ANK3: variants seen among roughly 807,000 people sequenced by gnomAD.
ANK3 encodes ankyrin-3.
Under a neutral mutation model 370.9 loss-of-function variants are expected in ANK3, and 57 were observed. That is an observed-to-expected ratio of 0.15 (90% CI 0.12 to 0.19). ANK3 has a LOEUF of 0.19. Among genes scored for constraint, ANK3 ranks in the 10% least tolerant of loss-of-function variants. ANK3 has a pLI of 1.00. For synonymous variants in ANK3, 1,929 were observed against 1,946.3 expected, an observed-to-expected ratio of 0.99 and a Z score of 0.23; for missense variants, 4,439 against 5,302.1, an observed-to-expected ratio of 0.84 and a Z score of 5.06.
At chr10:60,445,339 G>A (rs564863786) in intron 2 of ANK3, among the ~76,000 whole-genome samples, 51 of 151,376 alleles carry the variant, frequency 3.4e-4, no homozygotes, top group African/African-American at 9.7e-4. Context: ...GCAGCGAGCC[G>A]AGATCACACC....
At chr10:60,529,862 CT>C (rs2076563756) in intron 2 of ANK3, among the ~76,000 whole-genome samples, 1 of 152,218 alleles carries the variant, frequency 6.6e-6, no homozygotes, top group South Asian at 2.1e-4. Flanking sequence ...ATTTAAAAGC[CT>C]CAGAATTTGT....
At chr10:60,648,477 T>C (rs2078742179) in intron 1 of ANK3, among the ~76,000 whole-genome samples, 2 of 142,348 alleles carry the variant, frequency 1.4e-5, no homozygotes, top group Admixed American at 7.1e-5. Flanking sequence ...TTCTTTAAAA[T>C]CTTGTTGGGA....
intron 28 of ANK3, among the ~76,000 whole-genome samples, chr10:60,096,300 C>T (rs2090118528): frequency 1.3e-5 from 2 of 152,232 alleles, no homozygotes; most frequent in Admixed American, 6.5e-5. Context: ...TGGGATTGAA[C>T]TTATATGTAT....
intron 16 of ANK3, among the ~76,000 whole-genome samples, chr10:60,189,558 G>T (rs1421999080): frequency 6.6e-6 from 1 of 152,162 alleles, no homozygotes; most frequent in Non-Finnish European, 1.5e-5. Flanking sequence ...AAAGACTTAA[G>T]AAATATCTTC....
intron 43 of ANK3, 57 bp from the exon 44 acceptor site, chr10:60,029,883 T>C (rs1184888957): frequency 2.7e-4 from 14 of 52,006 alleles, no homozygotes; most frequent in South Asian, 7.0e-4. Flanking sequence ...TTCTTTTTTT[T>C]TTTTTTTTTT....
In ANK3 at chr10:60,071,828, G is replaced by A. The variant is rs143903352; in HGVS notation, c.9053C>T (p.Thr3018Ile). Residue 3018 changes from threonine (T) to isoleucine (I), a missense_variant, in exon 37 of 44, where the codon ACC (threonine) becomes ATC (isoleucine). Transcript: ENST00000280772. ...HFNSIEDEKV[T>I]YSEISKVSKH... ...GGAAACTTTGCTGATTTCTGAATAG[G>A]TAACTTTTTCATCTTCTATAGAATT... The A allele has an allele frequency of 2.5e-6, 4 of 1,612,656 alleles. No homozygotes were observed. The Admixed American group carries it at 6.7e-5, about 27-fold the overall frequency.
intron 1 of ANK3, among the ~76,000 whole-genome samples, chr10:60,318,723 C>G (rs1053622169): frequency 6.6e-6 from 1 of 152,154 alleles, no homozygotes. Context: ...AAGGTCACTT[C>G]CTCGCCACCC....
At chr10:60,627,393 C>T (rs570819163) in intron 1 of ANK3, among the ~76,000 whole-genome samples, 36 of 148,672 alleles carry the variant, frequency 2.4e-4, no homozygotes, top group Middle Eastern at 6.8e-3. Context: ...CGTTATTGTC[C>T]GTCATTAAAA....
intron 7 of ANK3, among the ~76,000 whole-genome samples, chr10:60,241,420 G>A (rs1232197135): frequency 6.6e-6 from 1 of 151,994 alleles, no homozygotes; most frequent in African/African-American, 2.4e-5. Flanking sequence ...AAATGTTATA[G>A]AATACATTAG....
chr10:60,033,234 T>C (rs2074101166), intron 43 of ANK3, among the ~76,000 whole-genome samples: 1 of 151,972 alleles, frequency 6.6e-6, no homozygotes, highest in East Asian at 1.9e-4. Context: ...GCACGGTGGC[T>C]CACGTCTGTA....
At chr10:60,626,447 T>C (rs2078411598) in intron 1 of ANK3, among the ~76,000 whole-genome samples, 1 of 152,194 alleles carries the variant, frequency 6.6e-6, no homozygotes, top group African/African-American at 2.4e-5. Context: ...ATAGTATTCA[T>C]AATTACTACA....
chr10:60,493,177 G>A (rs2075568796), intron 2 of ANK3, among the ~76,000 whole-genome samples: 1 of 152,090 alleles, frequency 6.6e-6, no homozygotes, highest in Non-Finnish European at 1.5e-5. Context: ...ATGCTAAAGA[G>A]GTAAGATTTA....
At chr10:60,480,027 C>T (rs900917783) in intron 2 of ANK3, among the ~76,000 whole-genome samples, 16 of 152,094 alleles carry the variant, frequency 1.1e-4, no homozygotes, top group African/African-American at 3.9e-4. Context: ...CGGGCACTGC[C>T]TTGGTGAAAC....
Position 60,438,796 on chromosome 10 carries a change from CT to C in ANK3, c.97-159158del, listed in dbSNP as rs543739383. On this transcript the variant is annotated intron_variant, in intron 2 of 43. Coordinates refer to the ANK3 transcript ENST00000373827. ...GCATCAGACCTCTGAGATATTTCCC[CT>C]GATAACATTTTGATTCTGATTCCCT... Among the ~76,000 whole-genome samples the C allele has an allele frequency of 2.0e-4, 30 of 152,296 alleles. 1 individual carries two copies. In the South Asian group the frequency reaches 5.8e-3, roughly 29 times the overall value.
intron 1 of ANK3, among the ~76,000 whole-genome samples, chr10:60,352,094 G>C (rs765245861): frequency 6.6e-6 from 1 of 152,086 alleles, no homozygotes; most frequent in Non-Finnish European, 1.5e-5. Context: ...TTGGGAGTTC[G>C]AGACCAGTCT....
intron 12 of ANK3, 135 bp downstream of exon 12, chr10:60,202,867 A>G (rs2096706109): frequency 3.4e-6 from 2 of 593,090 alleles, no homozygotes; most frequent in Non-Finnish European, 5.8e-6. Flanking sequence ...TGATTGCACC[A>G]CTGTATTCCA....
intron 4 of ANK3, among the ~76,000 whole-genome samples, chr10:60,270,437 T>A (rs982784499): frequency 2.6e-5 from 4 of 152,176 alleles, no homozygotes; most frequent in African/African-American, 9.6e-5. Context: ...TATTTCATAA[T>A]TCATAATTTG....
intron 2 of ANK3, among the ~76,000 whole-genome samples, chr10:60,453,017 T>C (rs2064650753): frequency 6.6e-6 from 1 of 152,226 alleles, no homozygotes; most frequent in African/African-American, 2.4e-5. Flanking sequence ...AAAGAAACTC[T>C]GCAAGTCCAA....
At chr10:60,138,434 C>T (rs1441453950) in intron 24 of ANK3, 6 of 359,274 alleles carry the variant, frequency 1.7e-5, no homozygotes, top group Middle Eastern at 7.1e-4. Context: ...ATACTTCTTA[C>T]ATGTCCCTTG....
Sources: allele counts gnomAD v4.1 joint callset (sites outside exome capture counted in the v4.1 genomes callset), GRCh38; gene constraint gnomAD v4.1.1; transcripts MANE v1.5; gene names NCBI Gene and HGNC (gene_info 2026-07-23, HGNC 2026-07-21).